PRKG1: variants seen among roughly 807,000 people sequenced by gnomAD.
The protein encoded by PRKG1 is protein kinase cGMP-dependent 1.
PRKG1 carries 35 observed loss-of-function variants against 88.1 expected under a neutral mutation model. That is an observed-to-expected ratio of 0.40 (90% CI 0.30 to 0.53). PRKG1 has a LOEUF of 0.53. Ranked by LOEUF, PRKG1 falls within the 20% of genes least tolerant of loss-of-function variation. PRKG1 has a pLI of 0.59. For missense variants in PRKG1, 540 were observed against 839.8 expected (o/e 0.64, Z 4.41); for synonymous variants, 303 against 292.5 (o/e 1.04, Z -0.37).
chr10:52,046,422 C>CTTTGTATTAT (rs1258710152), intron 5 of PRKG1, among the ~76,000 whole-genome samples: 3 of 152,050 alleles, frequency 2.0e-5, no homozygotes, highest in Non-Finnish European at 4.4e-5. Context: ...CTCGGAAAAG[C>CTTTGTATTAT]TTTGTATTAT....
intron 14 of PRKG1, among the ~76,000 whole-genome samples, chr10:52,284,560 A>C (rs930943214): frequency 2.6e-5 from 4 of 152,034 alleles, no homozygotes; most frequent in African/African-American, 9.7e-5. Context: ...ATAAAGTTCC[A>C]CAAAACACAC....
intron 3 of PRKG1, among the ~76,000 whole-genome samples, chr10:51,570,647 A>T (rs1424071108): frequency 6.6e-6 from 1 of 151,776 alleles, no homozygotes; most frequent in Non-Finnish European, 1.5e-5. Context: ...AACCATTGTT[A>T]TTTTGACCTG....
chr10:51,306,562 C>T (rs1371906488), intron 2 of PRKG1: 8 of 152,132 alleles, frequency 5.3e-5, no homozygotes, highest in African/African-American at 9.7e-5. Flanking sequence ...GGCTTTCTCT[C>T]TCTCAGGAGT....
chr10:51,111,695 G>T lies in PRKG1; in HGVS notation c.311+36794G>T, dbSNP rs921961097. Among the ~76,000 whole-genome samples the T allele has an allele frequency of 7.2e-5, 11 of 152,000 alleles. 1 individual carries two copies. The highest frequency in any genetic ancestry group is 2.4e-4 in the African/African-American group (10 of 41,400). ...CAATAAGTTTGTGTGCATTTCTAAGGGACTTGACTTTCCACTAAATTCTTT... is the reference window on the plus strand; with the variant it reads ...CAATAAGTTTGTGTGCATTTCTAAGTGACTTGACTTTCCACTAAATTCTTT... On this transcript the variant is annotated intron_variant, in intron 1 of 17. Coordinates refer to ENST00000373980, the MANE Select transcript of PRKG1 (RefSeq NM_006258.4).
chr10:51,575,951 C>T lies in PRKG1; in HGVS notation c.592+108115C>T, dbSNP rs148100825. ...AAAGATAGATTATATACAAATAATACATATTCATTGTTATGAAAATAATAC... is the reference window on the plus strand; with the variant it reads ...AAAGATAGATTATATACAAATAATATATATTCATTGTTATGAAAATAATAC... On this transcript the variant is annotated intron_variant, in intron 3 of 17. Transcript: ENST00000373980. Among the ~76,000 whole-genome samples, 700 of 151,868 alleles carry T rather than the reference C, an allele frequency of 4.6e-3. 7 individuals carry two copies. Among genetic ancestry groups the T allele is most frequent in the African/African-American group, 0.016 (659 of 41,488 alleles).
At chr10:51,210,111 C>T (rs1453604130) in intron 2 of PRKG1, among the ~76,000 whole-genome samples, 1 of 152,138 alleles carries the variant, frequency 6.6e-6, no homozygotes, top group Admixed American at 6.5e-5. Context: ...TTATAACAAA[C>T]TGTCTCTCAG....
chr10:51,471,782 G>T (rs1335773591), intron 3 of PRKG1, among the ~76,000 whole-genome samples: 6 of 151,722 alleles, frequency 4.0e-5, no homozygotes, highest in African/African-American at 1.5e-4. Context: ...TATTCAAATG[G>T]TCTCATTCAA....
chr10:51,967,383 G>A (rs533835023), intron 5 of PRKG1, among the ~76,000 whole-genome samples: 10 of 152,176 alleles, frequency 6.6e-5, no homozygotes, highest in Middle Eastern at 3.4e-3. Flanking sequence ...GACACAGGAA[G>A]GGGAACATCA....
At chr10:51,350,058 A>C (rs1723243409) in intron 2 of PRKG1, among the ~76,000 whole-genome samples, 1 of 152,200 alleles carries the variant, frequency 6.6e-6, no homozygotes, top group Admixed American at 6.5e-5. Context: ...ACCATAAATC[A>C]TTTTGATCAC....
Position 51,725,641 on chromosome 10 carries a change from G to A in PRKG1, c.593-78944G>A, listed in dbSNP as rs902069634. The stretch of plus-strand genomic sequence containing the variant: ...CTTTTTTCTTTTCTTTTTTTTTTTT[G>A]TGGGGGTCGGGGACAGGGTTTCATT... On this transcript the variant is annotated intron_variant, in intron 3 of 17. Transcript: ENST00000373980. Among the ~76,000 whole-genome samples, 261 of 105,212 alleles carry A rather than the reference G, an allele frequency of 2.5e-3. 1 individual carries two copies. Among genetic ancestry groups the A allele is most frequent in the Non-Finnish European group, 4.8e-3 (234 of 48,672 alleles). 69.0% of individuals were successfully genotyped at this position (105,212 alleles called of 152,430 possible). A position where few individuals can be genotyped will look rare whatever the true frequency, so the allele number is the denominator to read the frequency against.
At position 51,697,928 on chromosome 10, in the gene PRKG1, C is replaced by A. The variant is rs200381309; in HGVS notation, c.593-106657C>A. 5.1e-5 allele frequency: 82 copies of A among 1,598,986 alleles called. No homozygotes were observed. The Middle Eastern group carries it at 9.9e-4, about 19-fold the overall frequency. On this transcript the variant is annotated intron_variant, in intron 3 of 17. Coordinates refer to ENST00000373980, the MANE Select transcript of PRKG1 (RefSeq NM_006258.4). Reference sequence around the variant, plus strand: ...CTGTATACCTCCTCCTTGTATACCTCCTCCTTGTATACTGACTCCTTGTAT... The same window carrying A: ...CTGTATACCTCCTCCTTGTATACCTACTCCTTGTATACTGACTCCTTGTAT...
chr10:51,785,549 T>C (rs1395806714), intron 3 of PRKG1, among the ~76,000 whole-genome samples: 1 of 152,134 alleles, frequency 6.6e-6, no homozygotes, highest in Admixed American at 6.6e-5. Flanking sequence ...TATTATTGAT[T>C]GACGTTGAAG....
rs1395964362 is a variant in PRKG1, at chr10:52,295,817, A to T, written c.*1917A>T. 1 of 151,956 alleles carries T rather than the reference A, an allele frequency of 6.6e-6. No individual in the cohort carries two copies. The highest frequency in any genetic ancestry group is 1.9e-4 in the East Asian group (1 of 5,184). The allele number at this position is 151,956 out of a possible 1,614,324, so 9.4% of individuals were successfully genotyped here. A position where few individuals can be genotyped will look rare whatever the true frequency, so the allele number is the denominator to read the frequency against. ...TCTTATGAAAATATAATATTCTTAA[A>T]ATTTTGGAGGATAAAATGAAAAGGG... On this transcript the variant is annotated 3_prime_UTR_variant, in exon 18 of 18. Coordinates refer to ENST00000373980, the MANE Select transcript of PRKG1 (RefSeq NM_006258.4).
chr10:51,994,152 A>G (rs996747801), intron 5 of PRKG1, among the ~76,000 whole-genome samples: 11 of 152,100 alleles, frequency 7.2e-5, no homozygotes, highest in African/African-American at 2.7e-4. Context: ...TCCTAAAGAG[A>G]GGTCTAAGGA....
At chr10:52,255,348 G>A (rs983130380) in intron 10 of PRKG1, among the ~76,000 whole-genome samples, 1 of 151,972 alleles carries the variant, frequency 6.6e-6, no homozygotes, top group Non-Finnish European at 1.5e-5. Context: ...AAAGGCACCT[G>A]CTTTTCAGAA....
chr10:51,975,162 C>A (rs948465310), intron 5 of PRKG1, among the ~76,000 whole-genome samples: 4 of 151,990 alleles, frequency 2.6e-5, no homozygotes, highest in Admixed American at 2.6e-4. Context: ...CCATAAAATA[C>A]GGGCTTCATA....
intron 5 of PRKG1, among the ~76,000 whole-genome samples, chr10:52,044,497 T>C (rs1455532499): frequency 6.6e-6 from 1 of 152,178 alleles, no homozygotes; most frequent in African/African-American, 2.4e-5. Context: ...AAGAATGATT[T>C]GATGTAGAAG....
At chr10:51,251,695 T>G (rs1315988833) in intron 2 of PRKG1, among the ~76,000 whole-genome samples, 2 of 151,800 alleles carry the variant, frequency 1.3e-5, no homozygotes, top group Non-Finnish European at 2.9e-5. Flanking sequence ...AGAGGTAACA[T>G]ACTAGCTAAT....
chr10:51,429,806 A>G (rs192727303), intron 2 of PRKG1, among the ~76,000 whole-genome samples: 1 of 151,880 alleles, frequency 6.6e-6, no homozygotes, highest in East Asian at 1.9e-4. Flanking sequence ...GAAAAAAAAA[A>G]CAGAAGAAGG....
Sources: gnomAD v4.1 joint callset for allele counts (sites outside exome capture counted in the v4.1 genomes callset) on GRCh38, gnomAD v4.1.1 for gene constraint, MANE v1.5 for transcripts, NCBI Gene and HGNC (gene_info 2026-07-23, HGNC 2026-07-21) for gene names.